The following GATAD2A variants were observed in gnomAD, a reference collection of about 807,000 sequenced individuals.
The protein encoded by GATAD2A is transcriptional repressor p66-alpha.
GATAD2A carries 12 observed loss-of-function variants against 68.5 expected under a neutral mutation model. The ratio of observed to expected loss-of-function variants is 0.18; its 90% confidence interval spans 0.11 to 0.28. The LOEUF (loss-of-function observed/expected upper bound fraction) is 0.28, where lower values mean the gene tolerates loss of function less well. GATAD2A is among the 10% of genes least tolerant of loss of function. The pLI is 1.00. For missense variants in GATAD2A, 755 were observed against 868.5 expected, an observed-to-expected ratio of 0.87 and a Z score of 1.64; for synonymous variants, 410 against 375.3, an observed-to-expected ratio of 1.09 and a Z score of -1.07.
At chr19:19,448,825 C>T (rs1357299814) in intron 1 of GATAD2A, among the ~76,000 whole-genome samples, 1 of 152,136 alleles carries the variant, frequency 6.6e-6, no homozygotes, top group Admixed American at 6.5e-5. Flanking sequence ...CATAATAAGC[C>T]TGTGATCAGT....
chr19:19,465,075 C>T (rs1017884390), intron 1 of GATAD2A: 2 of 550,924 alleles, frequency 3.6e-6, no homozygotes, highest in Non-Finnish European at 6.5e-6. Flanking sequence ...CTGCCTCTGG[C>T]CCCCAACAGG....
chr19:19,443,012 A>G (rs1053657428), intron 1 of GATAD2A, among the ~76,000 whole-genome samples: 7 of 152,102 alleles, frequency 4.6e-5, no homozygotes, highest in African/African-American at 1.7e-4. Flanking sequence ...CTAGGGTGAC[A>G]GGGATGCTCT....
intron 1 of GATAD2A, among the ~76,000 whole-genome samples, chr19:19,419,602 C>T (rs1400346059): frequency 1.3e-5 from 2 of 150,480 alleles, no homozygotes; most frequent in African/African-American, 2.4e-5. Context: ...CTGCAGCCTC[C>T]GCCTCCCAGG....
intron 1 of GATAD2A, among the ~76,000 whole-genome samples, chr19:19,425,910 C>A (rs1307833720): frequency 1.3e-5 from 2 of 152,064 alleles, no homozygotes; most frequent in African/African-American, 4.8e-5. Flanking sequence ...CCATGTCAGC[C>A]TCTAGCGTAG....
chr19:19,496,629 G>A (rs769088623), intron 7 of GATAD2A, among the ~76,000 whole-genome samples: 7 of 152,218 alleles, frequency 4.6e-5, no homozygotes, highest in African/African-American at 4.8e-5. Context: ...CCGCCCTCCC[G>A]GCAGTGGCTT....
intron 1 of GATAD2A, among the ~76,000 whole-genome samples, chr19:19,430,984 T>G (rs1028541419): frequency 3.5e-3 from 468 of 133,238 alleles, no homozygotes; most frequent in South Asian, 0.025. Flanking sequence ...GGGGTGTGTG[T>G]GTGTGTGTGT....
intron 2 of GATAD2A, among the ~76,000 whole-genome samples, chr19:19,477,098 G>A (rs893652919): frequency 6.6e-6 from 1 of 152,172 alleles, no homozygotes; most frequent in African/African-American, 2.4e-5. Flanking sequence ...ACAGTGCTGA[G>A]AGGAAGGCAG....
intron 1 of GATAD2A, among the ~76,000 whole-genome samples, chr19:19,449,954 T>C (rs570429130): frequency 4.7e-4 from 50 of 105,284 alleles, no homozygotes; most frequent in African/African-American, 1.6e-3. Flanking sequence ...ATTTATCTTA[T>C]ATTAAAAGGT....
chr19:19,392,692 GTTT>G (rs35476291), intron 1 of GATAD2A, among the ~76,000 whole-genome samples: 2 of 131,490 alleles, frequency 1.5e-5, no homozygotes, highest in South Asian at 2.5e-4. Context: ...GTCCGGTCAA[GTTT>G]TTTTTTTTTT....
chr19:19,501,968 G>A lies in GATAD2A; in HGVS notation c.1504-1G>A. 2 of 1,613,622 alleles carry A rather than the reference G, an allele frequency of 1.2e-6. No homozygotes were observed. The highest frequency in any genetic ancestry group is 8.5e-7 in the Non-Finnish European group (1 of 1,179,574). On this transcript the variant is annotated splice_acceptor_variant, in intron 9 of 11. Transcript: ENST00000683918. LOFTEE classifies it high-confidence loss of function. ...TTTGCTTTCAACCCCCGTTTGTGTAGGTCATAAAACCCCGGCGTAAGTTGG... is the reference window on the plus strand; with the variant it reads ...TTTGCTTTCAACCCCCGTTTGTGTAAGTCATAAAACCCCGGCGTAAGTTGG...
chr19:19,402,542 A>C (rs1174433484), upstream of GATAD2A: 1 of 150,504 alleles, frequency 6.6e-6, no homozygotes, highest in Admixed American at 6.6e-5. Context: ...CAAAACAATT[A>C]GCTGGGCATG....
chr19:19,423,499 T>C (rs1336974170), intron 1 of GATAD2A, among the ~76,000 whole-genome samples: 5 of 152,286 alleles, frequency 3.3e-5, no homozygotes, highest in African/African-American at 1.2e-4. Flanking sequence ...GCCTGGTTCT[T>C]GGGCAAGGCC....
intron 1 of GATAD2A, among the ~76,000 whole-genome samples, chr19:19,422,839 G>A (rs1252090772): frequency 6.6e-6 from 1 of 151,694 alleles, no homozygotes; most frequent in African/African-American, 2.4e-5. Context: ...AGCCTCCCAA[G>A]TAGCTGGGAC....
At chr19:19,456,027 G>A (rs1031195672) in intron 1 of GATAD2A, among the ~76,000 whole-genome samples, 4 of 151,758 alleles carry the variant, frequency 2.6e-5, no homozygotes, top group Non-Finnish European at 5.9e-5. Flanking sequence ...GGTGGTGGGC[G>A]CCTGTAGTCC....
At position 19,505,296 on chromosome 19, in the gene GATAD2A, G is replaced by T. The variant is rs778021843; in HGVS notation, c.1775-48G>T. On this transcript the variant is annotated intron_variant, in intron 11 of 11. Coordinates refer to ENST00000683918, the MANE Select transcript of GATAD2A (RefSeq NM_001384528.1). ...AGCTATGGCTGGGCTCCTCCCAGGA[G>T]CCCTCCTGACGAGGGCCTTCTCAGC... 29 of 1,598,286 alleles carry T rather than the reference G, an allele frequency of 1.8e-5. No homozygotes were observed. The Admixed American group carries it at 4.8e-4, about 26-fold the overall frequency.
intron 1 of GATAD2A, among the ~76,000 whole-genome samples, chr19:19,453,680 A>AAAT (rs1555706807): frequency 3.5e-5 from 5 of 143,106 alleles, no homozygotes; most frequent in African/African-American, 1.0e-4. Flanking sequence ...TTTTTTTAAA[A>AAAT]TTTTTTTTTT....
In GATAD2A at chr19:19,498,614, C is replaced by T. The variant is rs1229467384; in HGVS notation, c.1096C>T (p.Pro366Ser). ...LEKTLLEIPP[P>S]KPPAPEMNFL... ...GAAGACGCTACTCGAGATCCCCCCA[C>T]CCAAGCCCCCAGCCCCAGAGATGAA... is the stretch of plus-strand genomic sequence containing the variant. The change falls in exon 8 of 12, where the codon CCC (proline) becomes TCC (serine). Residue 366 changes from proline to serine, a missense_variant. Coordinates refer to ENST00000683918, the MANE Select transcript of GATAD2A (RefSeq NM_001384528.1). 1.2e-6 allele frequency: 2 copies of T among 1,613,552 alleles called. No homozygotes were observed. The highest frequency in any genetic ancestry group is 2.2e-5 in the South Asian group (2 of 91,082).
intron 1 of GATAD2A, among the ~76,000 whole-genome samples, chr19:19,460,724 G>A (rs936300642): frequency 6.6e-6 from 1 of 152,126 alleles, no homozygotes; most frequent in Non-Finnish European, 1.5e-5. Context: ...AACCCCCTCC[G>A]GAGTGCCCCA....
intron 1 of GATAD2A, among the ~76,000 whole-genome samples, chr19:19,462,949 G>A (rs992869098): frequency 6.6e-6 from 1 of 152,156 alleles, no homozygotes; most frequent in Non-Finnish European, 1.5e-5. Context: ...TGGAACAGGG[G>A]CAGAGTGGGG....
Sources: gnomAD v4.1 joint callset for allele counts (sites outside exome capture counted in the v4.1 genomes callset) on GRCh38, gnomAD v4.1.1 for gene constraint, MANE v1.5 for transcripts, NCBI Gene and HGNC (gene_info 2026-07-23, HGNC 2026-07-21) for gene names.